The following CYTH1 variants were observed in gnomAD, a reference collection of about 807,000 sequenced individuals.
CYTH1 encodes the protein cytohesin 1, also known as cytohesin-1.
A neutral mutation model predicts 61.8 loss-of-function variants in CYTH1; 18 were observed. That is an observed-to-expected ratio of 0.29 (90% CI 0.20 to 0.43). The LOEUF (loss-of-function observed/expected upper bound fraction) is 0.43, where lower values mean the gene tolerates loss of function less well. Ranked by LOEUF, CYTH1 falls within the 20% of genes least tolerant of loss-of-function variation. The pLI, the probability that CYTH1 is intolerant of heterozygous loss-of-function variation, is 1.00. For missense variants in CYTH1, 336 were observed against 510.5 expected, an observed-to-expected ratio of 0.66 and a Z score of 3.29; for synonymous variants, 174 against 184.3, an observed-to-expected ratio of 0.94 and a Z score of 0.45.
intron 1 of CYTH1, among the ~76,000 whole-genome samples, chr17:78,770,521 C>T (rs1276946574): frequency 1.3e-5 from 2 of 151,860 alleles, no homozygotes; most frequent in African/African-American, 2.4e-5. Flanking sequence ...CGGGTTCAAG[C>T]GATTCTCCTT....
chr17:78,696,234 G>A (rs1417788656), intron 9 of CYTH1, among the ~76,000 whole-genome samples: 2 of 152,148 alleles, frequency 1.3e-5, no homozygotes, highest in East Asian at 1.9e-4. Flanking sequence ...TACATGCCAC[G>A]TTCCACCTCA....
At chr17:78,745,766 C>A (rs1169956723) in intron 1 of CYTH1, among the ~76,000 whole-genome samples, 1 of 152,164 alleles carries the variant, frequency 6.6e-6, no homozygotes, top group Non-Finnish European at 1.5e-5. Flanking sequence ...GTGGCACACA[C>A]TTGTAGTCCC....
At position 78,702,331 on chromosome 17, in the gene CYTH1, G is replaced by A; in HGVS notation, c.238-91C>T. ...GGCACAGGAAGAAATGGGTGTGGGTGCACTGGAATATTTAATAAATACTTG... is the reference window on the plus strand; with the variant it reads ...GGCACAGGAAGAAATGGGTGTGGGTACACTGGAATATTTAATAAATACTTG... On this transcript the variant is annotated intron_variant, in intron 4 of 13. Coordinates refer to ENST00000446868, the MANE Select transcript of CYTH1 (RefSeq NM_004762.6). The A allele has an allele frequency of 6.2e-6, 7 of 1,128,244 alleles. No individual in the cohort carries two copies. In the South Asian group the frequency reaches 7.9e-5, roughly 13 times the overall value. The allele number at this position is 1,128,244 out of a possible 1,614,324, so 69.9% of individuals were successfully genotyped here.
At chr17:78,768,778 A>G (rs768402027) in intron 1 of CYTH1, among the ~76,000 whole-genome samples, 1 of 152,122 alleles carries the variant, frequency 6.6e-6, no homozygotes, top group Non-Finnish European at 1.5e-5. Flanking sequence ...AAAATGCAAC[A>G]GAATGCTCTG....
At chr17:78,748,142 C>G (rs972761582) in intron 1 of CYTH1, among the ~76,000 whole-genome samples, 1 of 152,194 alleles carries the variant, frequency 6.6e-6, no homozygotes, top group Non-Finnish European at 1.5e-5. Flanking sequence ...CGCCACTGCA[C>G]CCCACACACC....
intron 1 of CYTH1, among the ~76,000 whole-genome samples, chr17:78,730,253 C>T (rs1459992409): frequency 6.6e-6 from 1 of 151,308 alleles, no homozygotes; most frequent in African/African-American, 2.4e-5. Context: ...AGGCCGGGCG[C>T]GGTGTCTCAC....
chr17:78,680,270 C>A lies in CYTH1; in HGVS notation c.1038G>T (p.Arg346=), dbSNP rs1277667323. The change falls in exon 13 of 14, where the codon CGG becomes CGT. Residue 346 remains arginine, a synonymous_variant. Transcript: ENST00000446868. ...IKACKTEADG[R]VVEGNHTVYR... ...AAACAGTGTGGTTCCCCTCCACCAC[C>A]CGCCCGTCAGCCTCGGTCTTGCAGG... is the stretch of plus-strand genomic sequence containing the variant. 1 of 1,614,162 alleles carries A rather than the reference C, an allele frequency of 6.2e-7. No individual in the cohort carries two copies. The highest frequency in any genetic ancestry group is 1.1e-5 in the South Asian group (1 of 91,082).
chr17:78,779,948 G>A (rs2093510073), intron 1 of CYTH1, among the ~76,000 whole-genome samples: 1 of 152,220 alleles, frequency 6.6e-6, no homozygotes, highest in Non-Finnish European at 1.5e-5. Flanking sequence ...CCTCTTTCAA[G>A]TACAAGTTCA....
intron 1 of CYTH1, among the ~76,000 whole-genome samples, chr17:78,724,254 C>A (rs2144557917): frequency 6.6e-6 from 1 of 152,276 alleles, no homozygotes; most frequent in South Asian, 2.1e-4. Flanking sequence ...AGATTTGGGA[C>A]CCCAGTCCCA....
intron 3 of CYTH1, among the ~76,000 whole-genome samples, chr17:78,706,389 G>A (rs1046974398): frequency 5.5e-5 from 8 of 146,458 alleles, no homozygotes; most frequent in Non-Finnish European, 8.9e-5. Context: ...AGATGCTCAC[G>A]CATGGAAGCA....
At chr17:78,742,039 A>G (rs2093343873) in intron 1 of CYTH1, among the ~76,000 whole-genome samples, 1 of 152,202 alleles carries the variant, frequency 6.6e-6, no homozygotes. Flanking sequence ...GTTGTAACTT[A>G]CTTAACCACT....
intron 1 of CYTH1, among the ~76,000 whole-genome samples, chr17:78,751,065 C>T (rs1298755699): frequency 6.6e-6 from 1 of 151,138 alleles, no homozygotes; most frequent in East Asian, 2.1e-4. Flanking sequence ...CTCACTGCAA[C>T]CTCTACCTCC....
chr17:78,745,449 A>T (rs2093356013), intron 1 of CYTH1, among the ~76,000 whole-genome samples: 1 of 152,242 alleles, frequency 6.6e-6, no homozygotes, highest in African/African-American at 2.4e-5. Flanking sequence ...AATAAACTTC[A>T]CACTACTCCT....
At chr17:78,683,992 C>G (rs141990686) in intron 11 of CYTH1, among the ~76,000 whole-genome samples, 2 of 152,136 alleles carry the variant, frequency 1.3e-5, no homozygotes, top group Non-Finnish European at 2.9e-5. Context: ...ACTGGTGAGG[C>G]CTGCGGCATC....
Position 78,723,000 on chromosome 17 carries a change from G to A in CYTH1, c.23-13268C>T, listed in dbSNP as rs139299491. Among the ~76,000 whole-genome samples the A allele has an allele frequency of 7.6e-3, 1,160 of 152,228 alleles. 11 individuals are homozygous for A. Among genetic ancestry groups the A allele is most frequent in the Non-Finnish European group, 0.011 (716 of 68,006 alleles). ...CCTAAGTCTCAGGCTTAGAAGAAAC[G>A]ACACTGAATGCCTGGATACCTATCC... On this transcript the variant is annotated intron_variant, in intron 1 of 13. Coordinates refer to ENST00000446868, the MANE Select transcript of CYTH1 (RefSeq NM_004762.6).
rs201592047 is a variant in CYTH1, at chr17:78,680,387, C to T, written c.964-43G>A. On this transcript the variant is annotated intron_variant, in intron 12 of 13. Transcript: ENST00000446868. The stretch of plus-strand genomic sequence containing the variant: ...GAGGGAGAGAGTGGAGCAAAGGAAG[C>T]TGTTAACTGAGAAACATGCTGATTT... The T allele has an allele frequency of 1.1e-4, 178 of 1,563,448 alleles. 1 individual carries two copies. The Admixed American group carries it at 1.8e-3, about 16-fold the overall frequency.
chr17:78,724,125 G>A (rs1011615242), intron 1 of CYTH1: 6 of 152,320 alleles, frequency 3.9e-5, no homozygotes, highest in South Asian at 2.1e-4. Context: ...TTAGGCAAGC[G>A]AACCTTGGGG....
chr17:78,717,140 C>G lies in CYTH1; in HGVS notation c.23-7408G>C, dbSNP rs2093187878. 1 of 152,436 alleles carries G rather than the reference C, an allele frequency of 6.6e-6. No homozygotes were observed. The highest frequency in any genetic ancestry group is 1.5e-5 in the Non-Finnish European group (1 of 68,226). 9.4% of individuals were successfully genotyped at this position (152,436 alleles called of 1,614,324 possible). On this transcript the variant is annotated intron_variant, in intron 1 of 13. Coordinates refer to ENST00000446868, the MANE Select transcript of CYTH1 (RefSeq NM_004762.6). This position sits in a 1 kb window ranked among gnomAD's most constrained non-coding sequence, Gnocchi z 4.4. ...CCAGGGAGGCGGTGTGCCAGGGAGGCGGCTGAACCCCTTGCTCTTTAAAAG... is the reference window on the plus strand; with the variant it reads ...CCAGGGAGGCGGTGTGCCAGGGAGGGGGCTGAACCCCTTGCTCTTTAAAAG...
chr17:78,746,657 A>C (rs2093360457), intron 1 of CYTH1, among the ~76,000 whole-genome samples: 1 of 152,208 alleles, frequency 6.6e-6, no homozygotes, highest in African/African-American at 2.4e-5. Flanking sequence ...TAATAATTTG[A>C]AAGGCCAGGT....
Sources: allele counts gnomAD v4.1 joint callset (sites outside exome capture counted in the v4.1 genomes callset), GRCh38; gene constraint gnomAD v4.1.1; non-coding constraint Gnocchi (gnomAD v3.1); transcripts MANE v1.5; gene names NCBI Gene and HGNC (gene_info 2026-07-23, HGNC 2026-07-21).